LDLRAD4: variants seen among roughly 807,000 people sequenced by gnomAD.
LDLRAD4 encodes low-density lipoprotein receptor class A domain-containing protein 4.
In LDLRAD4, 5 loss-of-function variants were observed where a neutral mutation model predicts 17.0. That is an observed-to-expected ratio of 0.29 (90% CI 0.15 to 0.62). The LOEUF is 0.62. Among genes scored for constraint, LDLRAD4 ranks in the 20% least tolerant of loss-of-function variants. The pLI is 0.84. For synonymous variants in LDLRAD4, 168 were observed against 171.8 expected, an observed-to-expected ratio of 0.98 and a Z score of 0.17; for missense variants, 340 against 424.7, an observed-to-expected ratio of 0.80 and a Z score of 1.75.
At chr18:13,413,804 G>T (rs547200518) in intron 2 of LDLRAD4, among the ~76,000 whole-genome samples, 1 of 152,058 alleles carries the variant, frequency 6.6e-6, no homozygotes, top group Non-Finnish European at 1.5e-5. Flanking sequence ...GGTGGCACAC[G>T]CCTGTAATCT....
intron 4 of LDLRAD4, among the ~76,000 whole-genome samples, chr18:13,626,815 C>T (rs2041213583): frequency 6.6e-6 from 1 of 152,308 alleles, no homozygotes. Flanking sequence ...GGCTGTCAGC[C>T]CTCTTGATGC....
chr18:13,494,010 G>A (rs1286830255), intron 3 of LDLRAD4, among the ~76,000 whole-genome samples: 1 of 152,232 alleles, frequency 6.6e-6, no homozygotes, highest in African/African-American at 2.4e-5. Flanking sequence ...CTTATGGTGT[G>A]GAGGCCGCCT....
intron 1 of LDLRAD4, among the ~76,000 whole-genome samples, chr18:13,263,332 C>T (rs116683918): frequency 0.013 from 1,943 of 152,132 alleles, 31 homozygotes; most frequent in African/African-American, 0.038. Context: ...AAACTGAGTC[C>T]CCTGTGGCTC....
At chr18:13,328,268 G>A (rs1189745181) in intron 1 of LDLRAD4, among the ~76,000 whole-genome samples, 2 of 152,198 alleles carry the variant, frequency 1.3e-5, no homozygotes, top group Non-Finnish European at 2.9e-5. Context: ...CTTGGATCAT[G>A]CTCATGCCAC....
intron 2 of LDLRAD4, among the ~76,000 whole-genome samples, chr18:13,399,884 C>T (rs765645481): frequency 2.2e-4 from 33 of 152,212 alleles, no homozygotes; most frequent in South Asian, 2.1e-4. Context: ...CCGTGAAGAT[C>T]GATTTCCCCA....
At chr18:13,517,887 C>T (rs993902930) in intron 3 of LDLRAD4, among the ~76,000 whole-genome samples, 5 of 152,114 alleles carry the variant, frequency 3.3e-5, no homozygotes, top group African/African-American at 4.8e-5. Context: ...TACAGGCGCC[C>T]GCCACCACGC....
At chr18:13,363,009 C>T (rs1009955932) in intron 1 of LDLRAD4, among the ~76,000 whole-genome samples, 13 of 152,092 alleles carry the variant, frequency 8.5e-5, no homozygotes, top group East Asian at 7.7e-4. Context: ...AAATGCCAAC[C>T]GGCAGCAAAG....
intron 3 of LDLRAD4, among the ~76,000 whole-genome samples, chr18:13,446,620 T>TGACC (rs1402809907): frequency 6.6e-6 from 1 of 152,224 alleles, no homozygotes; most frequent in Middle Eastern, 3.2e-3. Context: ...AGTACTCGTA[T>TGACC]GACCCAGAAG....
rs1568411040 is a variant in LDLRAD4, at chr18:13,616,256, G to GGC, written c.182-4860_182-4859insCG. Reference sequence around the variant, plus strand: ...AGAGGGTGTGGGAGGACAGGTGGGGGGGGGGGGGTTGCCACACACCCCCTC... The same window carrying GGC: ...AGAGGGTGTGGGAGGACAGGTGGGGGGCGGGGGGGGTTGCCACACACCCCCTC... On this transcript the variant is annotated intron_variant, in intron 3 of 5. Coordinates refer to ENST00000359446, the Ensembl canonical transcript of LDLRAD4. The GGC allele has an allele frequency of 6.6e-5, 10 of 151,376 alleles. No homozygotes were observed. The East Asian group carries it at 1.2e-3, about 18-fold the overall frequency. 9.4% of individuals were successfully genotyped at this position (151,376 alleles called of 1,614,324 possible). A position where few individuals can be genotyped will look rare whatever the true frequency, so the allele number is the denominator to read the frequency against.
intron 1 of LDLRAD4, among the ~76,000 whole-genome samples, chr18:13,369,162 G>A (rs1334803858): frequency 6.6e-6 from 1 of 152,218 alleles, no homozygotes; most frequent in East Asian, 1.9e-4. Context: ...GGGCTCACAG[G>A]CAGGGGACGT....
chr18:13,325,666 C>T (rs542054543), intron 1 of LDLRAD4, among the ~76,000 whole-genome samples: 19 of 152,366 alleles, frequency 1.2e-4, no homozygotes, highest in African/African-American at 3.4e-4. Context: ...AGCTTCGCTG[C>T]GCACCCGCCC....
chr18:13,439,256 C>A (rs1039769975), intron 3 of LDLRAD4, among the ~76,000 whole-genome samples: 1 of 152,014 alleles, frequency 6.6e-6, no homozygotes, highest in Non-Finnish European at 1.5e-5. Flanking sequence ...ACATAAATAC[C>A]AGTGCTGCAA....
At chr18:13,225,010 A>G (rs770874569) in intron 1 of LDLRAD4, among the ~76,000 whole-genome samples, 2 of 151,438 alleles carry the variant, frequency 1.3e-5, no homozygotes, top group Non-Finnish European at 2.9e-5. Flanking sequence ...TATTTTATGT[A>G]TTTTTAGTAG....
intron 3 of LDLRAD4, among the ~76,000 whole-genome samples, chr18:13,604,191 T>C (rs1424594247): frequency 1.3e-5 from 2 of 152,224 alleles, no homozygotes; most frequent in African/African-American, 4.8e-5. Flanking sequence ...GTGCCTTGAC[T>C]TTATCACAAC....
chr18:13,276,602 G>A (rs1408808372), upstream of LDLRAD4, among the ~76,000 whole-genome samples: 1 of 152,200 alleles, frequency 6.6e-6, no homozygotes, highest in East Asian at 1.9e-4. Context: ...TGTCAGCTAG[G>A]GGCTGCTCTC....
intron 1 of LDLRAD4, among the ~76,000 whole-genome samples, chr18:13,332,722 G>A (rs2143784897): frequency 6.7e-6 from 1 of 149,602 alleles, no homozygotes; most frequent in South Asian, 2.1e-4. Flanking sequence ...GCCTTTTTGT[G>A]GCTTGATAGC....
chr18:13,219,865 T>C (rs1490529308), intron 1 of LDLRAD4, among the ~76,000 whole-genome samples: 1 of 152,222 alleles, frequency 6.6e-6, no homozygotes, highest in Non-Finnish European at 1.5e-5. Flanking sequence ...TTGCATCAAG[T>C]CATGTCTGCA....
chr18:13,473,678 T>TAAAA (rs1555701486), intron 3 of LDLRAD4, among the ~76,000 whole-genome samples: 28 of 79,952 alleles, frequency 3.5e-4, no homozygotes, highest in South Asian at 8.4e-4. Context: ...TATATATATA[T>TAAAA]AACGTTTACA....
chr18:13,636,616 C>A (rs1020573205), intron 4 of LDLRAD4, among the ~76,000 whole-genome samples: 5 of 152,148 alleles, frequency 3.3e-5, no homozygotes, highest in Non-Finnish European at 7.3e-5. Flanking sequence ...CTGCCTCAGC[C>A]TCCTGAGTAG....
Sources: allele counts gnomAD v4.1 joint callset (sites outside exome capture counted in the v4.1 genomes callset), GRCh38; gene constraint gnomAD v4.1.1; transcripts MANE v1.5; gene names NCBI Gene and HGNC (gene_info 2026-07-23, HGNC 2026-07-21).